The following MAD2L2 variants were observed in gnomAD, a reference collection of about 807,000 sequenced individuals.
MAD2L2 encodes the protein mitotic spindle assembly checkpoint protein MAD2B.
In MAD2L2, 17 loss-of-function variants were observed where a neutral mutation model predicts 30.5. That is an observed-to-expected ratio of 0.56 (90% CI 0.38 to 0.84). The LOEUF is 0.84. Ranked by LOEUF, MAD2L2 falls within the 40% of genes least tolerant of loss-of-function variation. MAD2L2 has a pLI of 0.00. For synonymous variants in MAD2L2, 101 were observed against 113.9 expected (o/e 0.89, Z 0.72); for missense variants, 213 against 277.4 (o/e 0.77, Z 1.65).
intron 1 of MAD2L2, among the ~76,000 whole-genome samples, chr1:11,686,781 C>T (rs1011631158): frequency 2.1e-4 from 26 of 121,298 alleles, no homozygotes; most frequent in African/African-American, 6.2e-4. Context: ...AAGGTAAGAA[C>T]TTTTGATCCA....
At chr1:11,686,582 T>C (rs1373331278) in intron 1 of MAD2L2, among the ~76,000 whole-genome samples, 1 of 152,168 alleles carries the variant, frequency 6.6e-6, no homozygotes, top group African/African-American at 2.4e-5. Flanking sequence ...TTTGTACTTT[T>C]AGTACAGACG....
intron 7 of MAD2L2, among the ~76,000 whole-genome samples, chr1:11,675,443 A>G (rs1640745786): frequency 6.6e-6 from 1 of 152,176 alleles, no homozygotes; most frequent in South Asian, 2.1e-4. Flanking sequence ...AAGAGCCAGG[A>G]TGAGCTGGGG....
Position 11,674,643 on chromosome 1 carries a change from G to A in MAD2L2, c.*132C>T, listed in dbSNP as rs548181592. 9.6e-5 allele frequency: 93 copies of A among 966,270 alleles called. No individual in the cohort carries two copies. The highest frequency in any genetic ancestry group is 2.5e-4 in the Middle Eastern group (1 of 3,936). 59.9% of individuals were successfully genotyped at this position (966,270 alleles called of 1,614,324 possible). A position where few individuals can be genotyped will look rare whatever the true frequency, so the allele number is the denominator to read the frequency against. ...CCTCCAAGCAGACCTGAGCGGCCCC[G>A]GGCTGGGGCGGGCGATCCACACACA... On this transcript the variant is annotated 3_prime_UTR_variant, in exon 9 of 9. Transcript: ENST00000376692. This position sits in a 1 kb window ranked among gnomAD's most constrained non-coding sequence, Gnocchi z 6.1.
At position 11,675,099 on chromosome 1, in the gene MAD2L2, T is replaced by C. The variant is rs372770438; in HGVS notation, c.577A>G (p.Thr193Ala). ...DPRLIPLKTM[T>A]SDILKMQLYV... The stretch of plus-strand genomic sequence containing the variant: ...AAGCTCACCTTTAAAATGTCCGACG[T>C]CATGGTTTTTAGTGGTATCAGCCGG... Residue 193 changes from threonine to alanine, a missense_variant, in exon 8 of 9, where the codon ACG becomes GCG. Physicochemically the swap from Thr to Ala is moderately conservative, Grantham distance 58. Transcript: ENST00000376692. 39 of 1,597,606 alleles carry C rather than the reference T, an allele frequency of 2.4e-5. No individual in the cohort carries two copies. Among genetic ancestry groups the C allele is most frequent in the Non-Finnish European group, 3.1e-5 (36 of 1,172,166 alleles).
At chr1:11,675,810 T>A in intron 6 of MAD2L2, 79 bp from the exon 7 acceptor site, 1 of 1,257,362 alleles carries the variant, frequency 8.0e-7, no homozygotes. Context: ...CCCACTTCCC[T>A]TGCTGGCTCA....
chr1:11,680,772 C>T, intron 1 of MAD2L2, 159 bp from the exon 2 acceptor site: 1 of 1,352,738 alleles, frequency 7.4e-7, no homozygotes, highest in Non-Finnish European at 9.5e-7. Flanking sequence ...TCCACCCCCA[C>T]GCTGGCGTCC....
chr1:11,689,292 C>CAAAAAAA (rs70983584), intron 1 of MAD2L2, among the ~76,000 whole-genome samples: 5 of 67,964 alleles, frequency 7.4e-5, no homozygotes, highest in African/African-American at 2.6e-4. Context: ...GACTCTGTCT[C>CAAAAAAA]AAAAAAAAAA....
chr1:11,691,522 C>G (rs1197893919), exon 1 of MAD2L2: 2 of 151,864 alleles, frequency 1.3e-5, no homozygotes. Context: ...GCGCCTAGGC[C>G]TCTGGGGAGC....
At chr1:11,684,694 C>T (rs868247624), upstream of MAD2L2, among the ~76,000 whole-genome samples, 1 of 152,178 alleles carries the variant, frequency 6.6e-6, no homozygotes, top group African/African-American at 2.4e-5. Context: ...CTCCCATCCC[C>T]ACCAGGCTGA....
In MAD2L2 at chr1:11,687,262, C is replaced by T. The variant is rs946542251; in HGVS notation, c.-692+4151G>A. On this transcript the variant is annotated intron_variant, in intron 1 of 10. Transcript: ENST00000235310. This position sits in a 1 kb window ranked among gnomAD's most constrained non-coding sequence, Gnocchi z 4.1. ...TATTTCATTTATTTCTTTTTTGAGA[C>T]GGAGTCTCTCTCTGCCACCCAGGCT... 3.9e-5 allele frequency among the ~76,000 whole-genome samples: 6 copies of T among 151,982 alleles called. No homozygotes were observed. Among genetic ancestry groups the T allele is most frequent in the Non-Finnish European group, 7.4e-5 (5 of 67,992 alleles).
upstream of MAD2L2, chr1:11,681,326 T>C (rs1291257670): frequency 6.6e-6 from 1 of 152,194 alleles, no homozygotes. Context: ...CCACCTCCCT[T>C]CAACTTCGGG....
chr1:11,688,040 G>A lies in MAD2L2; in HGVS notation c.-692+3373C>T, dbSNP rs1640990095. Reference sequence around the variant, plus strand: ...TCCAAGCACATCGGAAGATCACCCAGCCAGGGGACAGCCACAGTAGCAGCA... The same window carrying A: ...TCCAAGCACATCGGAAGATCACCCAACCAGGGGACAGCCACAGTAGCAGCA... On this transcript the variant is annotated intron_variant, in intron 1 of 10. Coordinates refer to the MAD2L2 transcript ENST00000235310. The surrounding 1 kb of genome is among the most constrained non-coding windows in gnomAD (Gnocchi z 4.6). Among the ~76,000 whole-genome samples the A allele has an allele frequency of 6.6e-6, 1 of 152,168 alleles. No homozygotes were observed. Among genetic ancestry groups the A allele is most frequent in the Admixed American group, 6.5e-5 (1 of 15,278 alleles).
At chr1:11,683,516 GGGGAA>G (rs969416505), upstream of MAD2L2, among the ~76,000 whole-genome samples, 39 of 152,236 alleles carry the variant, frequency 2.6e-4, no homozygotes, top group African/African-American at 9.4e-4. Flanking sequence ...GGGGACTCGG[GGGGAA>G]GGAAGGGTGG....
At chr1:11,684,642 G>A (rs115162443), upstream of MAD2L2, among the ~76,000 whole-genome samples, 15 of 152,186 alleles carry the variant, frequency 9.9e-5, no homozygotes, top group African/African-American at 2.2e-4. Context: ...TGAGTGAACC[G>A]GGCAATGAAG....
intron 1 of MAD2L2, 127 bp from the exon 2 acceptor site, chr1:11,680,740 G>C: frequency 7.1e-7 from 1 of 1,413,804 alleles, no homozygotes; most frequent in South Asian, 1.6e-5. Flanking sequence ...CTTCGCACAG[G>C]CTCAGGGCAG....
At chr1:11,689,775 C>G (rs1641028217) in intron 1 of MAD2L2, among the ~76,000 whole-genome samples, 2 of 152,120 alleles carry the variant, frequency 1.3e-5, no homozygotes, top group Admixed American at 1.3e-4. Flanking sequence ...TCTATGGACT[C>G]GCCCTGAATT....
chr1:11,682,526 C>T (rs1179811410), upstream of MAD2L2, among the ~76,000 whole-genome samples: 3 of 149,022 alleles, frequency 2.0e-5, no homozygotes, highest in Non-Finnish European at 4.4e-5. Context: ...GTAAGTAACC[C>T]ATTAAGCTAG....
At chr1:11,684,914 C>T (rs78865689), upstream of MAD2L2, among the ~76,000 whole-genome samples, 3,196 of 128,364 alleles carry the variant, frequency 0.025, 25 homozygotes, top group Middle Eastern at 0.048. Context: ...AATTCAGGTT[C>T]TCTCTCTCTC....
chr1:11,675,159 G>C lies in MAD2L2; in HGVS notation c.517C>G (p.Leu173Val). The C allele has an allele frequency of 6.3e-7, 1 of 1,599,252 alleles. No homozygotes were observed. Among genetic ancestry groups the C allele is most frequent in the South Asian group, 1.1e-5 (1 of 89,492 alleles). ...ATGTGGACATCCTGCTCATCCGCCA[G>C]GATCCAGGGGAAATCCTAGGGAGGA... ...IQVIKDFPWI[L>V]ADEQDVHMHD... is the part of the protein sequence containing the mutation. Residue 173 changes from leucine to valine, a missense_variant, in exon 8 of 9, where the codon CTG becomes GTG. By Grantham distance (32) the Leu-to-Val change is conservative. Transcript: ENST00000376692.
Sources: gnomAD v4.1 joint callset for allele counts (sites outside exome capture counted in the v4.1 genomes callset) on GRCh38, gnomAD v4.1.1 for gene constraint, Gnocchi (gnomAD v3.1) non-coding constraint, MANE v1.5 for transcripts, NCBI Gene and HGNC (gene_info 2026-07-23, HGNC 2026-07-21) for gene names.